Variants in CRIM1 observed in about 807,000 individuals in gnomAD.
CRIM1 encodes cysteine rich transmembrane BMP regulator 1.
Under a neutral mutation model 116.4 loss-of-function variants are expected in CRIM1, and 32 were observed. That is an observed-to-expected ratio of 0.27 (90% CI 0.21 to 0.37). The LOEUF is 0.37. Ranked by LOEUF, CRIM1 falls within the 10% of genes least tolerant of loss-of-function variation. The probability of loss-of-function intolerance (pLI) is 1.00; values close to 1 mark genes in which losing one functional copy is unlikely to be tolerated. For synonymous variants in CRIM1, 590 were observed against 509.2 expected, an observed-to-expected ratio of 1.16 and a Z score of -2.13; for missense variants, 1,331 against 1,354.8, an observed-to-expected ratio of 0.98 and a Z score of 0.28.
At chr2:36,531,405 T>G (rs961623216) in intron 13 of CRIM1, among the ~76,000 whole-genome samples, 21 of 142,870 alleles carry the variant, frequency 1.5e-4, no homozygotes, top group Admixed American at 2.1e-4. Flanking sequence ...TGGTTTTTTG[T>G]TTTTTTTTTT....
At chr2:36,446,066 G>A (rs1462092109) in intron 4 of CRIM1, among the ~76,000 whole-genome samples, 1 of 152,146 alleles carries the variant, frequency 6.6e-6, no homozygotes, top group Non-Finnish European at 1.5e-5. Flanking sequence ...ACATAATAAG[G>A]TAAAATATCT....
intron 5 of CRIM1, among the ~76,000 whole-genome samples, chr2:36,473,687 A>G (rs1678723871): frequency 1.3e-5 from 2 of 152,136 alleles, no homozygotes; most frequent in African/African-American, 4.8e-5. Context: ...CATTCATGTT[A>G]TATTGCATAT....
chr2:36,496,890 CTAATA>C (rs970987240), intron 7 of CRIM1, among the ~76,000 whole-genome samples: 1 of 148,308 alleles, frequency 6.7e-6, no homozygotes, highest in Non-Finnish European at 1.5e-5. Flanking sequence ...GCATGTTAAT[CTAATA>C]TATTTTTTAA....
At chr2:36,388,785 A>G (rs200793643) in intron 1 of CRIM1, among the ~76,000 whole-genome samples, 2 of 133,444 alleles carry the variant, frequency 1.5e-5, no homozygotes, top group African/African-American at 2.9e-5. Flanking sequence ...AACATGAAAC[A>G]TGAAACTGGT....
chr2:36,476,709 T>G (rs563816114), intron 5 of CRIM1, among the ~76,000 whole-genome samples, 180 bp from the exon 6 acceptor site: 11 of 152,320 alleles, frequency 7.2e-5, no homozygotes, highest in African/African-American at 2.6e-4. Context: ...GTGTGTTTTA[T>G]TTTATTTTGT....
intron 1 of CRIM1, among the ~76,000 whole-genome samples, chr2:36,369,711 A>G (rs1301771426): frequency 6.6e-6 from 1 of 152,234 alleles, no homozygotes; most frequent in Non-Finnish European, 1.5e-5. Flanking sequence ...TTATACAACA[A>G]GGATCTGTAC....
chr2:36,532,330 A>G (rs1666174140), intron 13 of CRIM1, among the ~76,000 whole-genome samples: 1 of 152,182 alleles, frequency 6.6e-6, no homozygotes, highest in Admixed American at 6.5e-5. Context: ...TGTTAGTGTC[A>G]TACCTCATGG....
intron 7 of CRIM1, among the ~76,000 whole-genome samples, chr2:36,491,011 A>G (rs1680189727): frequency 6.6e-6 from 1 of 152,200 alleles, no homozygotes; most frequent in South Asian, 2.1e-4. Flanking sequence ...GCAGTCAGCA[A>G]AAGTGCCCAT....
chr2:36,458,799 A>C (rs1415482099), intron 4 of CRIM1, among the ~76,000 whole-genome samples: 2 of 152,120 alleles, frequency 1.3e-5, no homozygotes, highest in African/African-American at 4.8e-5. Flanking sequence ...GAATCAAAGG[A>C]TTTTATATTT....
At chr2:36,496,861 A>T (rs1049219435) in intron 7 of CRIM1, among the ~76,000 whole-genome samples, 4 of 152,196 alleles carry the variant, frequency 2.6e-5, no homozygotes, top group Admixed American at 6.5e-5. Context: ...CTTTCTAGCC[A>T]CAGATCACAA....
At chr2:36,492,190 C>G (rs1199736157) in intron 7 of CRIM1, among the ~76,000 whole-genome samples, 1 of 152,130 alleles carries the variant, frequency 6.6e-6, no homozygotes, top group Admixed American at 6.6e-5. Flanking sequence ...GCTTCCTTTT[C>G]CGATCACAAA....
intron 5 of CRIM1, among the ~76,000 whole-genome samples, chr2:36,474,962 T>A (rs916154870): frequency 6.6e-6 from 1 of 151,978 alleles, no homozygotes; most frequent in African/African-American, 2.4e-5. Flanking sequence ...ACTATATATC[T>A]ATCCCTGTGG....
chr2:36,417,350 T>C (rs1673697119), intron 2 of CRIM1, among the ~76,000 whole-genome samples: 2 of 152,216 alleles, frequency 1.3e-5, no homozygotes, highest in South Asian at 4.1e-4. Context: ...ATTGGCCTGT[T>C]TCCAGCAATA....
chr2:36,429,972 A>G (rs779776577), intron 2 of CRIM1, among the ~76,000 whole-genome samples: 8 of 152,172 alleles, frequency 5.3e-5, no homozygotes, highest in Non-Finnish European at 1.2e-4. Flanking sequence ...GAGTTGTTAA[A>G]ATAAGCCGGG....
chr2:36,514,898 T>A (rs1233098043), intron 11 of CRIM1, among the ~76,000 whole-genome samples: 1 of 152,240 alleles, frequency 6.6e-6, no homozygotes, highest in Non-Finnish European at 1.5e-5. Flanking sequence ...CCATACCTTG[T>A]AGAAAACGAG....
intron 9 of CRIM1, among the ~76,000 whole-genome samples, chr2:36,510,618 T>C (rs747329679): frequency 6.6e-6 from 1 of 152,228 alleles, no homozygotes; most frequent in Admixed American, 6.5e-5. Flanking sequence ...AGTCAGCGTT[T>C]CGTATTTTTT....
intron 14 of CRIM1, 27 bp downstream of exon 14, chr2:36,537,573 G>C (rs748082350): frequency 1.9e-5 from 29 of 1,567,242 alleles, no homozygotes; most frequent in Non-Finnish European, 2.5e-5. Context: ...CCTTCCATTT[G>C]TCAAGCTGTA....
At chr2:36,380,988 C>G (rs1670705249) in intron 1 of CRIM1, among the ~76,000 whole-genome samples, 1 of 152,240 alleles carries the variant, frequency 6.6e-6, no homozygotes, top group Non-Finnish European at 1.5e-5. Flanking sequence ...GGAGAGAACT[C>G]CTGGGGCCCC....
intron 1 of CRIM1, among the ~76,000 whole-genome samples, chr2:36,368,050 C>G (rs373144036): frequency 1.3e-4 from 20 of 152,342 alleles, no homozygotes; most frequent in African/African-American, 4.6e-4. Flanking sequence ...TGAGTAATTG[C>G]TCTTCTTCCT....
Sources: gnomAD v4.1 joint callset for allele counts (sites outside exome capture counted in the v4.1 genomes callset) on GRCh38, gnomAD v4.1.1 for gene constraint, MANE v1.5 for transcripts, NCBI Gene and HGNC (gene_info 2026-07-23, HGNC 2026-07-21) for gene names.